ABCD3: variants seen among roughly 807,000 people sequenced by gnomAD.
ABCD3 encodes ATP-binding cassette sub-family D member 3.
ABCD3 carries 41 observed loss-of-function variants against 105.5 expected under a neutral mutation model. The ratio of observed to expected loss-of-function variants is 0.39; its 90% CI spans 0.30 to 0.50. The LOEUF is 0.50. Ranked by LOEUF, ABCD3 falls within the 20% of genes least tolerant of loss-of-function variation. The pLI is 0.84. For missense variants in ABCD3, 622 were observed against 806.3 expected (o/e 0.77, Z 2.77); for synonymous variants, 258 against 269.0 (o/e 0.96, Z 0.40).
At chr1:94,493,175 G>C (rs1291712412) in intron 16 of ABCD3, among the ~76,000 whole-genome samples, 1 of 151,718 alleles carries the variant, frequency 6.6e-6, no homozygotes. Context: ...CAAAATGGGA[G>C]AAAATTTTCG....
chr1:94,398,490 A>T, the ABCD3 span, among the ~76,000 whole-genome samples: 2 of 152,214 alleles, frequency 1.3e-5, no homozygotes, highest in African/African-American at 4.8e-5. Context: ...GTTTTCAGTA[A>T]AAACACTGTT....
intron 21 of ABCD3, among the ~76,000 whole-genome samples, chr1:94,512,957 C>T (rs1178229535): frequency 1.3e-5 from 2 of 151,968 alleles, no homozygotes; most frequent in East Asian, 3.9e-4. Flanking sequence ...TGTTCATGAT[C>T]AGCAGCAGCA....
At chr1:94,474,517 A>G (rs887231524) in intron 5 of ABCD3, among the ~76,000 whole-genome samples, 2 of 152,188 alleles carry the variant, frequency 1.3e-5, no homozygotes, top group Non-Finnish European at 2.9e-5. Context: ...ATTGCCAGAA[A>G]TTCTTGTTTA....
chr1:94,433,184 C>T (rs1337391750), intron 1 of ABCD3, among the ~76,000 whole-genome samples: 2 of 142,094 alleles, frequency 1.4e-5, no homozygotes, highest in African/African-American at 2.6e-5. Flanking sequence ...GACATAGTTT[C>T]GCTCTTGTTG....
At chr1:94,509,514 G>A (rs1052709545) in intron 21 of ABCD3, among the ~76,000 whole-genome samples, 5 of 152,188 alleles carry the variant, frequency 3.3e-5, no homozygotes, top group Non-Finnish European at 5.9e-5. Flanking sequence ...AAATGAGTTA[G>A]GGAGGATCCC....
the ABCD3 span, among the ~76,000 whole-genome samples, chr1:94,392,108 G>A: frequency 1.3e-5 from 2 of 152,150 alleles, no homozygotes; most frequent in Non-Finnish European, 2.9e-5. Context: ...CTATTCTCCT[G>A]CCTCTGTGGT....
At chr1:94,390,464 A>T in the ABCD3 span, among the ~76,000 whole-genome samples, 1 of 151,878 alleles carries the variant, frequency 6.6e-6, no homozygotes, top group Non-Finnish European at 1.5e-5. Flanking sequence ...TGCCAAGCCC[A>T]GCTAATTTTT....
intron 21 of ABCD3, among the ~76,000 whole-genome samples, chr1:94,511,974 A>G (rs1254750519): frequency 6.6e-6 from 1 of 152,090 alleles, no homozygotes. Context: ...GATCGTCTGA[A>G]GCCTTCTTCT....
intron 20 of ABCD3, among the ~76,000 whole-genome samples, chr1:94,500,653 T>C (rs1261265586): frequency 6.6e-6 from 1 of 152,170 alleles, no homozygotes; most frequent in Non-Finnish European, 1.5e-5. Context: ...TATGGCAGAA[T>C]TTCTGACCCA....
chr1:94,408,747 A>G, the ABCD3 span, among the ~76,000 whole-genome samples: 2 of 152,330 alleles, frequency 1.3e-5, no homozygotes, highest in Admixed American at 6.5e-5. Flanking sequence ...TTTGGATTTT[A>G]TTCTTAATGT....
intron 1 of ABCD3, among the ~76,000 whole-genome samples, chr1:94,420,783 GC>G (rs1659228582): frequency 6.6e-6 from 1 of 152,042 alleles, no homozygotes; most frequent in African/African-American, 2.4e-5. Context: ...ATTTGAGTGG[GC>G]TTTTGAATAT....
At chr1:94,402,651 C>T in the ABCD3 span, among the ~76,000 whole-genome samples, 2 of 152,164 alleles carry the variant, frequency 1.3e-5, no homozygotes, top group Admixed American at 1.3e-4. Flanking sequence ...TCCTCTACCC[C>T]CTTCACGCTC....
In ABCD3 at chr1:94,487,517, G is replaced by T. The variant is rs192804236; in HGVS notation, c.898-25G>T. The T allele has an allele frequency of 1.0e-3, 1,604 of 1,608,136 alleles. 14 individuals are homozygous for T. The African/African-American group carries it at 0.019, about 19-fold the overall frequency. On this transcript the variant is annotated intron_variant, in intron 10 of 22. Coordinates refer to ENST00000370214, the MANE Select transcript of ABCD3 (RefSeq NM_002858.4). ...AGTTTTTTATACAGAGAAAAAGATGGTTTTTTGTTTTTGTTTTCTGCCAGG... is the reference window on the plus strand; with the variant it reads ...AGTTTTTTATACAGAGAAAAAGATGTTTTTTTGTTTTTGTTTTCTGCCAGG...
At chr1:94,400,116 T>TA in the ABCD3 span, among the ~76,000 whole-genome samples, 1,006 of 152,082 alleles carry the variant, frequency 6.6e-3, 10 homozygotes, top group African/African-American at 0.023. Flanking sequence ...CCTAGAACAA[T>TA]AAAAAAGTAA....
At chr1:94,425,094 C>G (rs925505679) in intron 1 of ABCD3, among the ~76,000 whole-genome samples, 31 of 152,120 alleles carry the variant, frequency 2.0e-4, no homozygotes, top group Admixed American at 1.7e-3. Flanking sequence ...AGCTGGACCA[C>G]TTATACCCCC....
the ABCD3 span, among the ~76,000 whole-genome samples, chr1:94,393,264 G>C: frequency 6.6e-6 from 1 of 152,052 alleles, no homozygotes; most frequent in African/African-American, 2.4e-5. Flanking sequence ...TATTCAGAAA[G>C]AGAAAGAGTA....
At chr1:94,434,786 C>G (rs1659837046) in intron 1 of ABCD3, among the ~76,000 whole-genome samples, 1 of 152,108 alleles carries the variant, frequency 6.6e-6, no homozygotes, top group Admixed American at 6.5e-5. Context: ...TAACCACTAC[C>G]CAGATCAAGA....
chr1:94,442,256 C>T (rs902837417), intron 1 of ABCD3, among the ~76,000 whole-genome samples: 5 of 152,086 alleles, frequency 3.3e-5, no homozygotes, highest in African/African-American at 1.2e-4. Context: ...TGCTATAAGC[C>T]GTTTTCCCAG....
intron 20 of ABCD3, among the ~76,000 whole-genome samples, chr1:94,502,331 G>A (rs962641920): frequency 8.5e-5 from 13 of 152,174 alleles, no homozygotes; most frequent in African/African-American, 2.9e-4. Context: ...AGAATAACTC[G>A]CCTTCTACTT....
Sources: gnomAD v4.1 joint callset for allele counts (sites outside exome capture counted in the v4.1 genomes callset) on GRCh38, gnomAD v4.1.1 for gene constraint, MANE v1.5 for transcripts, NCBI Gene and HGNC (gene_info 2026-07-23, HGNC 2026-07-21) for gene names.